Variants in CNTLN observed in about 807,000 individuals in gnomAD.
CNTLN encodes centlein, centrosomal protein.
In CNTLN, 212 loss-of-function variants were observed where a neutral mutation model predicts 180.0. The observed-to-expected ratio is 1.18, with a 90% CI of 1.05 to 1.32. CNTLN has a LOEUF of 1.32. Ranked by LOEUF, CNTLN falls within the 40% of genes most tolerant of loss-of-function variation. CNTLN has a pLI of 0.00. For synonymous variants in CNTLN, 722 were observed against 563.1 expected (o/e 1.28, Z -3.99); for missense variants, 2,095 against 1,610.9 (o/e 1.30, Z -5.14).
chr9:17,279,093 A>G (rs981627279), intron 6 of CNTLN, among the ~76,000 whole-genome samples: 2 of 151,442 alleles, frequency 1.3e-5, no homozygotes, highest in African/African-American at 2.4e-5. Context: ...TCATGTTATT[A>G]TTTTTTTTTA....
chr9:17,277,126 T>C (rs1450332518), intron 6 of CNTLN, among the ~76,000 whole-genome samples: 1 of 136,520 alleles, frequency 7.3e-6, no homozygotes, highest in Admixed American at 7.3e-5. Flanking sequence ...ATTTATATTT[T>C]ATTGAATATT....
At chr9:17,281,569 C>T (rs762165118) in intron 6 of CNTLN, among the ~76,000 whole-genome samples, 6 of 152,024 alleles carry the variant, frequency 3.9e-5, no homozygotes, top group African/African-American at 7.3e-5. Context: ...AGTTTGCTGA[C>T]GATAATGGCT....
intron 10 of CNTLN, 105 bp from the exon 11 acceptor site, chr9:17,340,722 C>G: frequency 1.1e-6 from 1 of 900,810 alleles, no homozygotes. Flanking sequence ...TGTTTACACA[C>G]TATTTTCTTT....
At chr9:17,404,418 G>A (rs555014728) in intron 15 of CNTLN, among the ~76,000 whole-genome samples, 2 of 151,760 alleles carry the variant, frequency 1.3e-5, no homozygotes, top group South Asian at 4.1e-4. Flanking sequence ...TGATGCCGAA[G>A]GTAGGAAAGT....
chr9:17,452,123 C>A (rs1830818156), intron 18 of CNTLN, among the ~76,000 whole-genome samples: 1 of 150,944 alleles, frequency 6.6e-6, no homozygotes, highest in Admixed American at 6.6e-5. Flanking sequence ...CAGAGAGTAT[C>A]TAAAAATATA....
intron 12 of CNTLN, among the ~76,000 whole-genome samples, chr9:17,355,345 G>T (rs1281744659): frequency 6.6e-6 from 1 of 152,170 alleles, no homozygotes; most frequent in African/African-American, 2.4e-5. Flanking sequence ...ACATATTCTA[G>T]ATGTTAGACA....
chr9:17,400,861 A>G (rs11998987), intron 15 of CNTLN, among the ~76,000 whole-genome samples: 5,188 of 152,256 alleles, frequency 0.034, 131 homozygotes, highest in South Asian at 0.13. Context: ...CACATAACAA[A>G]GATTTATTTT....
intron 7 of CNTLN, among the ~76,000 whole-genome samples, chr9:17,308,577 AC>A (rs1818905069): frequency 6.6e-6 from 1 of 152,026 alleles, no homozygotes. Flanking sequence ...AAACTGATAT[AC>A]CTTGTGCTCC....
chr9:17,336,340 C>G (rs4961539), intron 10 of CNTLN, among the ~76,000 whole-genome samples: 86,927 of 151,894 alleles, frequency 0.57, 25,313 homozygotes, highest in East Asian at 0.73. Flanking sequence ...GGCATGTATT[C>G]TGGCGCCATT....
At chr9:17,136,097 G>A (rs1398864821) in intron 1 of CNTLN, among the ~76,000 whole-genome samples, 1 of 152,186 alleles carries the variant, frequency 6.6e-6, no homozygotes, top group African/African-American at 2.4e-5. Context: ...TTTCCTGTTT[G>A]TAGAGTTTTT....
intron 2 of CNTLN, among the ~76,000 whole-genome samples, chr9:17,171,440 C>T (rs904475978): frequency 2.0e-5 from 3 of 152,172 alleles, no homozygotes; most frequent in African/African-American, 4.8e-5. Flanking sequence ...TCAGTATCTG[C>T]TAAGATTGTA....
chr9:17,266,458 G>A (rs1175028404), intron 5 of CNTLN, among the ~76,000 whole-genome samples: 2 of 151,980 alleles, frequency 1.3e-5, no homozygotes, highest in African/African-American at 4.8e-5. Flanking sequence ...TTGCTTCCCA[G>A]TATGTGGTCA....
intron 5 of CNTLN, among the ~76,000 whole-genome samples, chr9:17,255,678 G>C (rs748331895): frequency 6.6e-5 from 10 of 151,710 alleles, no homozygotes; most frequent in Non-Finnish European, 1.3e-4. Context: ...TCTCCTCATA[G>C]AAGGAGCTTG....
intron 8 of CNTLN, among the ~76,000 whole-genome samples, chr9:17,323,452 G>A (rs1054290098): frequency 6.6e-6 from 1 of 152,174 alleles, no homozygotes; most frequent in Non-Finnish European, 1.5e-5. Flanking sequence ...CGGGTCACGA[G>A]CTTCAGGGAG....
chr9:17,436,043 G>T (rs1829755164), intron 18 of CNTLN, among the ~76,000 whole-genome samples: 1 of 152,078 alleles, frequency 6.6e-6, no homozygotes, highest in South Asian at 2.1e-4. Context: ...CCAAGTGGTG[G>T]TCTAGCCTCC....
intron 18 of CNTLN, among the ~76,000 whole-genome samples, chr9:17,452,952 C>A (rs959910624): frequency 6.6e-6 from 1 of 151,792 alleles, no homozygotes; most frequent in Non-Finnish European, 1.5e-5. Flanking sequence ...CTGGTAGAGG[C>A]AATTTATATT....
chr9:17,308,967 C>G lies in CNTLN; in HGVS notation c.1147-91C>G. On this transcript the variant is annotated intron_variant, in intron 7 of 25. Coordinates refer to ENST00000380647, the MANE Select transcript of CNTLN (RefSeq NM_017738.4). ...GGGCAAGAACTGTGTTTATACAGTT[C>G]ATATGTATATATACACACACACACA... The G allele has an allele frequency of 6.2e-6, 4 of 647,634 alleles. 1 individual carries two copies. In the South Asian group the frequency reaches 1.3e-4, roughly 22 times the overall value. The allele number at this position is 647,634 out of a possible 1,614,324, so 40.1% of individuals were successfully genotyped here.
At chr9:17,461,551 A>AC (rs1831449615) in intron 19 of CNTLN, among the ~76,000 whole-genome samples, 1 of 151,752 alleles carries the variant, frequency 6.6e-6, no homozygotes, top group Admixed American at 6.6e-5. Context: ...TGTATGTTAT[A>AC]CCCATGAGAT....
At chr9:17,327,181 G>C (rs1267522764) in intron 8 of CNTLN, among the ~76,000 whole-genome samples, 4 of 148,770 alleles carry the variant, frequency 2.7e-5, no homozygotes, top group Non-Finnish European at 4.5e-5. Context: ...TTTTTAAAAA[G>C]TATGTTAAAT....
Sources: allele counts gnomAD v4.1 joint callset (sites outside exome capture counted in the v4.1 genomes callset), GRCh38; gene constraint gnomAD v4.1.1; transcripts MANE v1.5; gene names NCBI Gene and HGNC (gene_info 2026-07-23, HGNC 2026-07-21).